The following DMD variants were observed in gnomAD, a reference collection of about 807,000 sequenced individuals.
The protein encoded by DMD is dystrophin.
Under a neutral mutation model 330.1 loss-of-function variants are expected in DMD, and 63 were observed. The ratio of observed to expected loss-of-function variants is 0.19; its 90% CI spans 0.16 to 0.24. The LOEUF (loss-of-function observed/expected upper bound fraction) is 0.24, where lower values mean the gene tolerates loss of function less well. DMD is among the 10% of genes least tolerant of loss of function. The probability of loss-of-function intolerance (pLI) is 1.00; values close to 1 mark genes in which losing one functional copy is unlikely to be tolerated. For synonymous variants in DMD, 1,223 were observed against 959.8 expected, an observed-to-expected ratio of 1.27 and a Z score of -5.07; for missense variants, 3,344 against 2,684.1, an observed-to-expected ratio of 1.25 and a Z score of -5.43.
intron 7 of DMD, among the ~76,000 whole-genome samples, chrX:32,714,865 A>G: frequency 8.9e-6 from 1 of 111,998 alleles, no homozygotes; most frequent in East Asian, 2.8e-4. Context: ...ATGCTATAAG[A>G]TACACATGTA....
intron 2 of DMD, among the ~76,000 whole-genome samples, chrX:32,931,523 A>C (rs777087929): frequency 8.9e-6 from 1 of 111,884 alleles, no homozygotes; most frequent in East Asian, 2.8e-4. Context: ...CTGAGGTATA[A>C]ATCAACAGAA....
chrX:32,394,479 T>G (rs753237997), intron 30 of DMD, among the ~76,000 whole-genome samples: 14 of 112,222 alleles, frequency 1.2e-4, no homozygotes, highest in Non-Finnish European at 2.4e-4. Context: ...TCTCATTTCT[T>G]CAGTAGTCAA....
intron 17 of DMD, among the ~76,000 whole-genome samples, chrX:32,539,512 G>A (rs2048302571): frequency 1.3e-5 from 1 of 78,297 alleles, no homozygotes; most frequent in Non-Finnish European, 2.3e-5. Context: ...TTATCATATA[G>A]AACATTAAAA....
intron 44 of DMD, among the ~76,000 whole-genome samples, chrX:32,117,909 G>T (rs2096617854): frequency 9.0e-6 from 1 of 111,481 alleles, no homozygotes; most frequent in Non-Finnish European, 1.9e-5. Context: ...AACCAGAGAG[G>T]CTGGGCAGAA....
chrX:33,235,222 C>T (rs1365252130), intron 1 of DMD, among the ~76,000 whole-genome samples: 4 of 111,599 alleles, frequency 3.6e-5, no homozygotes, highest in Non-Finnish European at 7.5e-5. Flanking sequence ...TTTTTGTGAG[C>T]ACGCACCAGT....
intron 2 of DMD, among the ~76,000 whole-genome samples, chrX:32,997,767 TTTAGATC>T (rs2093163758): frequency 9.0e-6 from 1 of 111,620 alleles, no homozygotes; most frequent in Non-Finnish European, 1.9e-5. Flanking sequence ...CAATGACAAC[TTTAGATC>T]TTTATCAGCC....
chrX:31,271,307 G>A (rs2051613297), intron 62 of DMD, among the ~76,000 whole-genome samples: 1 of 111,702 alleles, frequency 9.0e-6, no homozygotes, highest in Non-Finnish European at 1.9e-5. Context: ...TGAGCTCAGA[G>A]GGAAGATGTC....
chrX:32,964,255 C>CAAAGAAAAAAAAAA (rs2092032082), intron 2 of DMD, among the ~76,000 whole-genome samples: 2 of 35,190 alleles, frequency 5.7e-5, no homozygotes, highest in Non-Finnish European at 1.0e-4. Context: ...GACTCCATCT[C>CAAAGAAAAAAAAAA]AAAAAAAAAA....
At chrX:32,091,512 A>ATT (rs1429027055) in intron 44 of DMD, among the ~76,000 whole-genome samples, 1 of 105,246 alleles carries the variant, frequency 9.5e-6, no homozygotes, top group Admixed American at 1.0e-4. Flanking sequence ...TGCTACAGCT[A>ATT]TTTTTTTTTT....
Position 32,747,509 on chromosome X carries a change from C to A in DMD, c.650-48216G>T, listed in dbSNP as rs536948655. Among the ~76,000 whole-genome samples, 3 of 111,705 alleles carry A rather than the reference C, an allele frequency of 2.7e-5. No homozygotes were observed. The South Asian group carries it at 1.1e-3, about 42-fold the overall frequency. ...TTACTTACTGTATTTGAAACAAGAT[C>A]TCACTCTGTTGTCCAGGCTCGAGTG... On this transcript the variant is annotated intron_variant, in intron 7 of 78. Coordinates refer to ENST00000357033, the MANE Select transcript of DMD (RefSeq NM_004006.3).
chrX:31,373,497 G>A (rs987974921), intron 60 of DMD, among the ~76,000 whole-genome samples: 2 of 103,307 alleles, frequency 1.9e-5, no homozygotes, highest in African/African-American at 7.0e-5. Flanking sequence ...ACAGAACAGA[G>A]CCCTCAGAAA....
intron 1 of DMD, among the ~76,000 whole-genome samples, chrX:33,041,124 AAG>A (rs1338961737): frequency 8.8e-6 from 1 of 113,230 alleles, no homozygotes; most frequent in Admixed American, 9.3e-5. Flanking sequence ...TTAAATTACA[AAG>A]AGAATAACAG....
At chrX:33,273,125 C>T (rs1388676813) in intron 1 of DMD, among the ~76,000 whole-genome samples, 2 of 111,656 alleles carry the variant, frequency 1.8e-5, no homozygotes, top group Non-Finnish European at 3.8e-5. Flanking sequence ...TCACTGTGTC[C>T]TCAGTCCAGG....
intron 16 of DMD, among the ~76,000 whole-genome samples, chrX:32,561,650 T>C (rs1319636340): frequency 1.8e-5 from 2 of 110,900 alleles, no homozygotes; most frequent in African/African-American, 6.6e-5. Context: ...ATTCAGGAAA[T>C]ACAAGATACT....
In DMD at chrX:32,042,026, CATATATATATAT is replaced by C. The variant is rs57983190; in HGVS notation, c.6439-73524_6439-73513del. On this transcript the variant is annotated intron_variant, in intron 44 of 78. Coordinates refer to ENST00000357033, the MANE Select transcript of DMD (RefSeq NM_004006.3). ...CTCCCTCTCTCTCTCTCTCTCTGTT[CATATATATATAT>C]ATATATATATATATATATATATATA... 7.7e-3 allele frequency among the ~76,000 whole-genome samples: 313 copies of C among 40,459 alleles called. 3 individuals are homozygous for C. The South Asian group carries it at 0.093, about 12-fold the overall frequency. The allele number at this position is 40,459 out of a possible 115,157, so 35.1% of individuals were successfully genotyped here.
intron 19 of DMD, among the ~76,000 whole-genome samples, chrX:32,494,436 A>C (rs1360236111): frequency 5.4e-5 from 6 of 111,297 alleles, no homozygotes; most frequent in Non-Finnish European, 1.1e-4. Flanking sequence ...ACCGGTGAGA[A>C]TTCTGGCGTT....
At chrX:32,612,956 T>G (rs1405073983) in intron 12 of DMD, among the ~76,000 whole-genome samples, 5 of 111,441 alleles carry the variant, frequency 4.5e-5, no homozygotes. Flanking sequence ...ATCTTTCATT[T>G]GCATGGAAGA....
intron 18 of DMD, among the ~76,000 whole-genome samples, chrX:32,511,542 A>AG (rs2045334899): frequency 9.3e-6 from 1 of 107,862 alleles, no homozygotes; most frequent in Non-Finnish European, 1.9e-5. Flanking sequence ...AAAAAAAAAA[A>AG]AAAAAGAAAA....
At chrX:32,491,556 C>G in intron 19 of DMD, 38 bp from the exon 20 acceptor site, 1 of 1,170,664 alleles carries the variant, frequency 8.5e-7, no homozygotes, top group Non-Finnish European at 1.2e-6. Flanking sequence ...TCCCCTGAAC[C>G]CACAGACTGA....
Sources: allele counts gnomAD v4.1 joint callset (sites outside exome capture counted in the v4.1 genomes callset), GRCh38; gene constraint gnomAD v4.1.1; transcripts MANE v1.5; gene names NCBI Gene and HGNC (gene_info 2026-07-23, HGNC 2026-07-21).